The following RGS3 variants were observed in gnomAD, a reference collection of about 807,000 sequenced individuals.
RGS3 encodes regulator of G-protein signalling 3.
A neutral mutation model predicts 132.6 loss-of-function variants in RGS3; 80 were observed. That is an observed-to-expected ratio of 0.60 (90% CI 0.50 to 0.73). RGS3 has a LOEUF of 0.73. RGS3 is among the 30% of genes least tolerant of loss of function. The pLI is 0.00. For missense variants in RGS3, 1,382 were observed against 1,530.8 expected (o/e 0.90, Z 1.62); for synonymous variants, 598 against 620.6 (o/e 0.96, Z 0.54).
chr9:113,478,707 G>A (rs1830068773), intron 3 of RGS3, among the ~76,000 whole-genome samples: 1 of 152,110 alleles, frequency 6.6e-6, no homozygotes, highest in African/African-American at 2.4e-5. Context: ...AGCTGCTTGG[G>A]AGGTTGAGGC....
chr9:113,564,536 G>A (rs1355785562), intron 19 of RGS3, among the ~76,000 whole-genome samples: 2 of 152,208 alleles, frequency 1.3e-5, no homozygotes, highest in African/African-American at 4.8e-5. Flanking sequence ...AACCAGTGCT[G>A]GAGCTGGAAC....
At chr9:113,546,251 A>G (rs900956497) in intron 19 of RGS3, among the ~76,000 whole-genome samples, 8 of 152,082 alleles carry the variant, frequency 5.3e-5, no homozygotes, top group Admixed American at 3.3e-4. Context: ...GCTGGATGCA[A>G]TCCTCAACCT....
intron 19 of RGS3, among the ~76,000 whole-genome samples, chr9:113,567,500 C>T (rs1303059316): frequency 6.6e-6 from 1 of 152,204 alleles, no homozygotes; most frequent in East Asian, 1.9e-4. Flanking sequence ...CTGTGTCCGC[C>T]CATCTCCTAG....
intron 1 of RGS3, among the ~76,000 whole-genome samples, chr9:113,445,789 G>T (rs374809952): frequency 5.9e-5 from 9 of 152,070 alleles, no homozygotes; most frequent in African/African-American, 1.9e-4. Flanking sequence ...AGCGATTCTT[G>T]TGCCTCAGCC....
intron 19 of RGS3, among the ~76,000 whole-genome samples, chr9:113,556,728 TG>T (rs1184756974): frequency 6.6e-6 from 1 of 151,512 alleles, no homozygotes; most frequent in Non-Finnish European, 1.5e-5. Context: ...CTGTAATCAG[TG>T]GGGGAAAGCT....
intron 14 of RGS3, among the ~76,000 whole-genome samples, chr9:113,513,361 T>C (rs1268959036): frequency 6.6e-6 from 1 of 152,142 alleles, no homozygotes; most frequent in Admixed American, 6.5e-5. Flanking sequence ...TCTGTTTCTC[T>C]CTCTCTCTCC....
At position 113,506,990 on chromosome 9, in the gene RGS3, A is replaced by G. The variant is rs1298025958; in HGVS notation, c.1086-297A>G. Among the ~76,000 whole-genome samples, 1 of 152,156 alleles carries G rather than the reference A, an allele frequency of 6.6e-6. No homozygotes were observed. The highest frequency in any genetic ancestry group is 2.4e-5 in the African/African-American group (1 of 41,414). On this transcript the variant is annotated intron_variant, in intron 12 of 24. Coordinates refer to ENST00000350696, the Ensembl canonical transcript of RGS3. This position sits in a 1 kb window ranked among gnomAD's most constrained non-coding sequence, Gnocchi z 4.7. ...GGTGACCTGCTAGCTTTACTTGCTT[A>G]TATCTTGCTTTTGATAAGCATCATG... is the stretch of plus-strand genomic sequence containing the variant.
At position 113,594,268 on chromosome 9, in the gene RGS3, C is replaced by T. The variant is rs989524246; in HGVS notation, c.3081-162C>T. On this transcript the variant is annotated intron_variant, in intron 21 of 24. Transcript: ENST00000350696. ...AATCTGCGGCCCCAAGGTGGGGGGC[C>T]CTACAGAGATGCTCCGAGGCATGTA... is the stretch of plus-strand genomic sequence containing the variant. 5.6e-6 allele frequency: 9 copies of T among 1,608,720 alleles called. No individual in the cohort carries two copies. In the Admixed American group the frequency reaches 1.0e-4, roughly 18 times the overall value.
chr9:113,581,924 C>A (rs1365480418), intron 19 of RGS3: 1 of 623,550 alleles, frequency 1.6e-6, no homozygotes, highest in East Asian at 1.4e-4. Flanking sequence ...CCGACCTTGG[C>A]CAGATCACGC....
intron 7 of RGS3, 49 bp from the exon 6 acceptor site, chr9:113,495,737 A>T (rs763422031): frequency 5.2e-6 from 8 of 1,533,226 alleles, no homozygotes; most frequent in Non-Finnish European, 7.2e-6. Context: ...GGACCTCCCG[A>T]TAGAGCCCAG....
At chr9:113,470,623 A>G (rs1004805481) in intron 3 of RGS3, among the ~76,000 whole-genome samples, 6 of 151,880 alleles carry the variant, frequency 4.0e-5, no homozygotes, top group Non-Finnish European at 5.9e-5. Flanking sequence ...TTTTCTTTCA[A>G]CCTTTTTGGA....
intron 20 of RGS3, among the ~76,000 whole-genome samples, chr9:113,587,262 C>T (rs770099496): frequency 6.6e-6 from 1 of 152,164 alleles, no homozygotes; most frequent in Non-Finnish European, 1.5e-5. Context: ...GGGACAGTGG[C>T]AGGTTCCCCC....
chr9:113,447,804 A>G (rs1437178604), intron 1 of RGS3, among the ~76,000 whole-genome samples: 2 of 149,212 alleles, frequency 1.3e-5, no homozygotes, highest in African/African-American at 2.5e-5. Flanking sequence ...ACCCTAGTCC[A>G]GGTCTCTGTC....
At chr9:113,457,021 C>T (rs1201030462), upstream of RGS3, among the ~76,000 whole-genome samples, 1 of 152,164 alleles carries the variant, frequency 6.6e-6, no homozygotes, top group Non-Finnish European at 1.5e-5. Flanking sequence ...GTCTCAAACT[C>T]CTGAACTCAG....
At chr9:113,522,828 A>G in intron 16 of RGS3, 102 bp from the exon 15 acceptor site, 1 of 783,582 alleles carries the variant, frequency 1.3e-6, no homozygotes, top group Non-Finnish European at 2.3e-6. Flanking sequence ...AGGATGCATT[A>G]TCTGGGGAGG....
intron 19 of RGS3, among the ~76,000 whole-genome samples, chr9:113,544,899 G>A (rs1833048313): frequency 6.6e-6 from 1 of 152,230 alleles, no homozygotes; most frequent in South Asian, 2.1e-4. Context: ...TATCCGGCAT[G>A]TCAGAAGCTG....
rs1831254718 is a variant in RGS3, at chr9:113,508,598, G to T, written c.1477+18G>T. On this transcript the variant is annotated intron_variant, in intron 14 of 24. Coordinates refer to ENST00000350696, the Ensembl canonical transcript of RGS3. ...CCCCGAAGGTGAGTCTCCTGCTGCT[G>T]CTGTGCCCTCCTAGCTCAGAGAGGC... The T allele has an allele frequency of 6.2e-7, 1 of 1,610,948 alleles. No individual in the cohort carries two copies. Among genetic ancestry groups the T allele is most frequent in the East Asian group, 2.2e-5 (1 of 44,870 alleles).
intron 4 of RGS3, among the ~76,000 whole-genome samples, chr9:113,481,038 G>C (rs1363648608): frequency 6.6e-6 from 1 of 152,220 alleles, no homozygotes; most frequent in Non-Finnish European, 1.5e-5. Context: ...GCTGTTCACT[G>C]TGCCTGGAAT....
At chr9:113,566,337 C>T (rs1325502219) in intron 19 of RGS3, among the ~76,000 whole-genome samples, 1 of 152,204 alleles carries the variant, frequency 6.6e-6, no homozygotes, top group African/African-American at 2.4e-5. Context: ...TGAGACCCAT[C>T]AGGCAGGGGG....
Sources: gnomAD v4.1 joint callset for allele counts (sites outside exome capture counted in the v4.1 genomes callset) on GRCh38, gnomAD v4.1.1 for gene constraint, Gnocchi (gnomAD v3.1) non-coding constraint, MANE v1.5 for transcripts, NCBI Gene and HGNC (gene_info 2026-07-23, HGNC 2026-07-21) for gene names.